FOLH1: variants seen among roughly 807,000 people sequenced by gnomAD.
FOLH1 encodes the protein glutamate carboxypeptidase 2.
In FOLH1, 54 loss-of-function variants were observed where a neutral mutation model predicts 93.9. The observed-to-expected ratio is 0.57, with a 90% CI of 0.46 to 0.72. The LOEUF is 0.72. FOLH1 is among the 30% of genes least tolerant of loss of function. FOLH1 has a pLI of 0.00. For synonymous variants in FOLH1, 249 were observed against 303.6 expected (o/e 0.82, Z 1.87); for missense variants, 571 against 892.5 (o/e 0.64, Z 4.59).
At chr11:49,152,356 T>C (rs979450662) in intron 17 of FOLH1, among the ~76,000 whole-genome samples, 11 of 152,124 alleles carry the variant, frequency 7.2e-5, no homozygotes, top group African/African-American at 4.8e-5. Flanking sequence ...ACATTAGCAA[T>C]ATGTATCTAT....
intron 16 of FOLH1, 94 bp downstream of exon 16, chr11:49,154,134 C>T (rs1856757902): frequency 4.0e-6 from 6 of 1,517,708 alleles, no homozygotes; most frequent in Non-Finnish European, 5.3e-6. Context: ...CTTGAAATAG[C>T]AATAAATAAT....
intron 13 of FOLH1, among the ~76,000 whole-genome samples, chr11:49,162,424 C>T (rs1253382673): frequency 1.3e-5 from 2 of 152,054 alleles, no homozygotes; most frequent in African/African-American, 4.8e-5. Context: ...ATACTTGTGA[C>T]AGCATTTGTA....
chr11:49,177,188 G>A (rs1480695209), intron 7 of FOLH1, among the ~76,000 whole-genome samples: 1 of 152,188 alleles, frequency 6.6e-6, no homozygotes, highest in Non-Finnish European at 1.5e-5. Context: ...GTTTTAAAAT[G>A]CTCTATCAAA....
chr11:49,157,853 T>C, intron 14 of FOLH1, 99 bp downstream of exon 14: 4 of 1,186,762 alleles, frequency 3.4e-6, no homozygotes, highest in Non-Finnish European at 4.7e-6. Flanking sequence ...TAGACCATTT[T>C]GAAACTTAAT....
In FOLH1 at chr11:49,146,866, T is replaced by C. The variant is rs781582032; in HGVS notation, c.2143A>G (p.Ile715Val). ...TTGGAAGGGTCCACTTTGCTTTCAA[T>C]ATCAAACAGAGCATCATAAATTCCT... is the stretch of plus-strand genomic sequence containing the variant. ...FPGIYDALFD[I>V]ESKVDPSKAW... The change falls in exon 19 of 19, where the codon ATT (isoleucine) becomes GTT (valine). Residue 715 changes from isoleucine to valine, a missense_variant. Around this residue, in one of 2 missense-constraint regions of FOLH1, gnomAD observed 500 missense variants for 822.9 expected, o/e 0.61. Transcript: ENST00000256999. The C allele has an allele frequency of 2.5e-6, 4 of 1,613,390 alleles. No individual in the cohort carries two copies. The East Asian group carries it at 6.7e-5, about 27-fold the overall frequency.
chr11:49,176,302 G>A (rs953347436), intron 7 of FOLH1, among the ~76,000 whole-genome samples: 2 of 152,184 alleles, frequency 1.3e-5, no homozygotes, highest in African/African-American at 4.8e-5. Context: ...AGAGCTTGAT[G>A]TCTAACTCTC....
chr11:49,160,365 A>C (rs1857552202), intron 13 of FOLH1, among the ~76,000 whole-genome samples: 1 of 151,892 alleles, frequency 6.6e-6, no homozygotes, highest in Non-Finnish European at 1.5e-5. Context: ...GTCTTTTGCT[A>C]GCTTTGGGGT....
Position 49,175,848 on chromosome 11 carries a change from A to C in FOLH1, c.1019+11T>G, listed in dbSNP as rs769919905. On this transcript the variant is annotated intron_variant, in intron 8 of 18. Coordinates refer to ENST00000256999, the MANE Select transcript of FOLH1 (RefSeq NM_004476.3). ...CCCTTAAAAGAGTTAAAATTAAAAT[A>C]GTCTCTTAACTGTGTAGAAAAGTTT... The C allele has an allele frequency of 6.3e-7, 1 of 1,599,104 alleles. No homozygotes were observed. The highest frequency in any genetic ancestry group is 8.5e-7 in the Non-Finnish European group (1 of 1,174,216).
intron 7 of FOLH1, among the ~76,000 whole-genome samples, chr11:49,182,476 GGAA>G (rs1399666534): frequency 1.3e-5 from 2 of 151,902 alleles, no homozygotes; most frequent in Non-Finnish European, 2.9e-5. Context: ...AAGCAGAAGG[GGAA>G]GAAGAATAGA....
chr11:49,155,820 ATATATATATATATAT>A (rs1856957631), intron 15 of FOLH1, among the ~76,000 whole-genome samples: 3 of 105,774 alleles, frequency 2.8e-5, no homozygotes, highest in Non-Finnish European at 3.9e-5. Flanking sequence ...ATATATATAT[ATATATATATATATAT>A]AATCAACAAC....
intron 12 of FOLH1, among the ~76,000 whole-genome samples, chr11:49,166,013 A>T (rs755303784): frequency 2.6e-5 from 4 of 152,208 alleles, no homozygotes; most frequent in Admixed American, 2.6e-4. Context: ...TTATACCAAA[A>T]AAGCATGCAA....
intron 14 of FOLH1, 139 bp from the exon 15 acceptor site, chr11:49,156,946 A>G (rs1392741986): frequency 2.1e-6 from 3 of 1,407,250 alleles, no homozygotes; most frequent in Admixed American, 2.4e-5. Context: ...CAGCAAAAAC[A>G]TGAAAAGAAT....
intron 4 of FOLH1, among the ~76,000 whole-genome samples, chr11:49,189,932 T>C (rs1861839677): frequency 1.3e-5 from 2 of 152,158 alleles, no homozygotes; most frequent in Non-Finnish European, 1.5e-5. Flanking sequence ...CATTTGAATC[T>C]TTGCCTCTGT....
chr11:49,178,112 A>G (rs1232880175), intron 7 of FOLH1, among the ~76,000 whole-genome samples: 1 of 152,200 alleles, frequency 6.6e-6, no homozygotes. Flanking sequence ...TCACCTGAAG[A>G]ATAAAAGATT....
At chr11:49,194,176 G>C (rs1227177191) in intron 3 of FOLH1, among the ~76,000 whole-genome samples, 1 of 151,128 alleles carries the variant, frequency 6.6e-6, no homozygotes, top group South Asian at 2.1e-4. Context: ...ATCCTTCAGG[G>C]TTAAGGATAA....
chr11:49,207,948 C>CAAACAAAACAAAACAAAACA (rs74962694), intron 1 of FOLH1: 298 of 496,484 alleles, frequency 6.0e-4, no homozygotes, highest in African/African-American at 4.5e-3. Context: ...AACAAACAAA[C>CAAACAAAACAAAACAAAACA]AAACAAAACA....
At position 49,200,289 on chromosome 11, in the gene FOLH1, T is replaced by C. The variant is rs1313237671; in HGVS notation, c.377A>G (p.Asn126Ser). 1.2e-6 allele frequency: 2 copies of C among 1,601,436 alleles called. No individual in the cohort carries two copies. The highest frequency in any genetic ancestry group is 1.7e-6 in the Non-Finnish European group (2 of 1,172,950). ...LLSYPNKTHP[N>S]YISIINEDGN... ...ATCTTCATTAATTATTGAGATGTAG[T>C]TGGGATGAGTCTTATTTGGGTAGGA... Residue 126 changes from asparagine (N) to serine (S), a missense_variant, in exon 3 of 19, where the codon AAC becomes AGC. Around this residue, in one of 2 missense-constraint regions of FOLH1, gnomAD observed 500 missense variants for 822.9 expected, o/e 0.61. Coordinates refer to ENST00000256999, the MANE Select transcript of FOLH1 (RefSeq NM_004476.3).
At chr11:49,152,934 T>C (rs1366769038) in intron 17 of FOLH1, among the ~76,000 whole-genome samples, 1 of 152,198 alleles carries the variant, frequency 6.6e-6, no homozygotes, top group Non-Finnish European at 1.5e-5. Context: ...TAGCAGGTAC[T>C]AACATAGTTC....
chr11:49,177,776 C>T (rs1481586969), intron 7 of FOLH1, among the ~76,000 whole-genome samples: 2 of 132,324 alleles, frequency 1.5e-5, no homozygotes, highest in South Asian at 2.5e-4. Flanking sequence ...GGAGAAACCC[C>T]GTCTCTACTA....
Sources: allele counts gnomAD v4.1 joint callset (sites outside exome capture counted in the v4.1 genomes callset), GRCh38; gene constraint gnomAD v4.1.1; regional missense constraint gnomAD v4.1.1; transcripts MANE v1.5; gene names NCBI Gene and HGNC (gene_info 2026-07-23, HGNC 2026-07-21).